The following POLN variants were observed in gnomAD, a reference collection of about 807,000 sequenced individuals.
The protein encoded by POLN is DNA polymerase nu.
Under a neutral mutation model 113.5 loss-of-function variants are expected in POLN, and 108 were observed. That is an observed-to-expected ratio of 0.95 (90% CI 0.81 to 1.12). POLN has a LOEUF of 1.12. POLN is among the 50% of genes most tolerant of loss of function. The pLI is 0.00. For missense variants in POLN, 1,097 were observed against 1,077.1 expected (o/e 1.02, Z -0.26); for synonymous variants, 386 against 391.5 (o/e 0.99, Z 0.17).
At chr4:2,153,985 C>T (rs1310356125) in intron 16 of POLN, among the ~76,000 whole-genome samples, 2 of 151,236 alleles carry the variant, frequency 1.3e-5, no homozygotes, top group Non-Finnish European at 3.0e-5. Context: ...ATCACAAGGT[C>T]AGGAGATTGA....
At chr4:2,201,606 A>G (rs1461236648) in intron 5 of POLN, among the ~76,000 whole-genome samples, 1 of 152,160 alleles carries the variant, frequency 6.6e-6, no homozygotes, top group Admixed American at 6.5e-5. Flanking sequence ...AGAGAAATCT[A>G]AAAAATTTGG....
chr4:2,175,615 G>A (rs6822166), intron 9 of POLN, among the ~76,000 whole-genome samples: 1 of 151,900 alleles, frequency 6.6e-6, no homozygotes, highest in African/African-American at 2.4e-5. Context: ...ATTGTTTTTA[G>A]TTTTCCTGCT....
At chr4:2,203,942 T>A (rs901844897) in intron 5 of POLN, among the ~76,000 whole-genome samples, 10 of 151,534 alleles carry the variant, frequency 6.6e-5, no homozygotes, top group Non-Finnish European at 1.3e-4. Context: ...AAACCCCATC[T>A]CTACTAAATA....
intron 13 of POLN, 47 bp downstream of exon 13, chr4:2,170,632 G>C: frequency 6.6e-7 from 1 of 1,521,172 alleles, no homozygotes; most frequent in Non-Finnish European, 9.1e-7. Context: ...ATGTGGTGCA[G>C]ACATGCTGTC....
At chr4:2,217,168 C>T (rs111840769) in intron 3 of POLN, among the ~76,000 whole-genome samples, 1 of 152,228 alleles carries the variant, frequency 6.6e-6, no homozygotes, top group African/African-American at 2.4e-5. Context: ...AAGCCACTAA[C>T]CGCTGCCCAA....
intron 21 of POLN, chr4:2,083,136 C>T (rs528864252): frequency 2.6e-5 from 4 of 152,216 alleles, no homozygotes; most frequent in Non-Finnish European, 5.9e-5. Context: ...TAGCGTTTCA[C>T]TCAATGTATG....
chr4:2,170,989 T>TA (rs892364320), intron 12 of POLN, 109 bp downstream of exon 12: 14 of 1,079,468 alleles, frequency 1.3e-5, no homozygotes, highest in Non-Finnish European at 5.4e-6. Flanking sequence ...ATGAAAAACT[T>TA]ACTTTTCAGA....
At chr4:2,074,618 C>G (rs1336230539) in intron 24 of POLN, among the ~76,000 whole-genome samples, 1 of 152,122 alleles carries the variant, frequency 6.6e-6, no homozygotes, top group South Asian at 2.1e-4. Flanking sequence ...GGATGGGAGC[C>G]TCACACCCCT....
intron 1 of POLN, 73 bp downstream of exon 1, chr4:2,241,978 G>A: frequency 1.0e-6 from 1 of 985,574 alleles, no homozygotes; most frequent in Non-Finnish European, 1.2e-6. Context: ...AGGCACCTGG[G>A]TGCAGACGGG....
intron 16 of POLN, among the ~76,000 whole-genome samples, chr4:2,133,052 T>A (rs1032748145): frequency 2.0e-5 from 3 of 151,330 alleles, no homozygotes; most frequent in African/African-American, 7.3e-5. Flanking sequence ...CCACCTGTAA[T>A]CCCAGCACTT....
At chr4:2,117,602 C>T (rs932904353) in intron 19 of POLN, among the ~76,000 whole-genome samples, 15 of 152,178 alleles carry the variant, frequency 9.9e-5, no homozygotes, top group African/African-American at 3.6e-4. Flanking sequence ...AGGGACAGGA[C>T]AGCCACAATA....
chr4:2,166,584 A>T (rs1305909412), intron 13 of POLN, among the ~76,000 whole-genome samples: 2 of 152,144 alleles, frequency 1.3e-5, no homozygotes, highest in African/African-American at 4.8e-5. Flanking sequence ...AGCAGGGAAG[A>T]CCTGCGTCAA....
intron 16 of POLN, among the ~76,000 whole-genome samples, chr4:2,154,962 A>G (rs185420558): frequency 8.8e-4 from 134 of 152,344 alleles, no homozygotes; most frequent in African/African-American, 3.2e-3. Context: ...GTAAAATTAG[A>G]GCTTCACTGA....
intron 2 of POLN, chr4:2,240,298 A>G: frequency 1.9e-6 from 3 of 1,611,326 alleles, no homozygotes; most frequent in Non-Finnish European, 2.5e-6. Flanking sequence ...TTTTTGGTAT[A>G]CAAAGTTAAT....
intron 6 of POLN, 88 bp from the exon 7 acceptor site, chr4:2,193,404 T>TC: frequency 1.3e-6 from 1 of 776,484 alleles, no homozygotes. Flanking sequence ...AACTAACAGC[T>TC]ATCACTTAGA....
intron 19 of POLN, among the ~76,000 whole-genome samples, chr4:2,102,449 C>T (rs893536994): frequency 3.9e-5 from 6 of 152,164 alleles, no homozygotes; most frequent in African/African-American, 1.2e-4. Context: ...ACTGCCAACA[C>T]AAATGCACAG....
intron 25 of POLN, 105 bp from the exon 26 acceptor site, chr4:2,072,404 CA>C: frequency 1.1e-6 from 1 of 930,728 alleles, no homozygotes; most frequent in East Asian, 2.7e-5. Flanking sequence ...CAGGTGCACA[CA>C]TCCAGATACA....
At chr4:2,137,604 G>A (rs1339195355) in intron 16 of POLN, among the ~76,000 whole-genome samples, 1 of 152,038 alleles carries the variant, frequency 6.6e-6, no homozygotes, top group African/African-American at 2.4e-5. Context: ...CCCTCTGCCT[G>A]CTCCTCCTGA....
intron 19 of POLN, among the ~76,000 whole-genome samples, chr4:2,124,417 G>A (rs760589230): frequency 1.3e-4 from 20 of 152,142 alleles, no homozygotes; most frequent in Non-Finnish European, 2.5e-4. Context: ...CAGGATAGGC[G>A]TGTGCCACCT....
Sources: allele counts gnomAD v4.1 joint callset (sites outside exome capture counted in the v4.1 genomes callset), GRCh38; gene constraint gnomAD v4.1.1; transcripts MANE v1.5; gene names NCBI Gene and HGNC (gene_info 2026-07-23, HGNC 2026-07-21).